SSBP2: variants seen among roughly 807,000 people sequenced by gnomAD.
The protein encoded by SSBP2 is single stranded DNA binding protein 2, also known as single-stranded DNA-binding protein 2.
A neutral mutation model predicts 61.8 loss-of-function variants in SSBP2; 17 were observed. That is an observed-to-expected ratio of 0.28 (90% CI 0.19 to 0.41). The LOEUF (loss-of-function observed/expected upper bound fraction) is 0.41. Ranked by LOEUF, SSBP2 falls within the 10% of genes least tolerant of loss-of-function variation. The pLI is 1.00. For missense variants in SSBP2, 310 were observed against 458.7 expected, an observed-to-expected ratio of 0.68 and a Z score of 2.96; for synonymous variants, 139 against 141.3, an observed-to-expected ratio of 0.98 and a Z score of 0.12.
intron 15 of SSBP2, among the ~76,000 whole-genome samples, chr5:81,433,142 A>G (rs961642715): frequency 6.6e-6 from 1 of 151,986 alleles, no homozygotes; most frequent in African/African-American, 2.4e-5. Flanking sequence ...CCATGATGAC[A>G]ATGGCGGTTT....
chr5:81,436,185 C>CAAAAAA (rs34499225), intron 15 of SSBP2, among the ~76,000 whole-genome samples: 41 of 54,572 alleles, frequency 7.5e-4, no homozygotes, highest in African/African-American at 2.3e-3. Context: ...AAGACTCCAT[C>CAAAAAA]AAAAAAAAAA....
chr5:81,609,753 A>G (rs75751068), intron 4 of SSBP2, among the ~76,000 whole-genome samples: 446 of 152,230 alleles, frequency 2.9e-3, no homozygotes, highest in Non-Finnish European at 4.5e-3. Context: ...GCATTCAACT[A>G]TTTTACATAC....
At chr5:81,581,409 T>C (rs1255706916) in intron 4 of SSBP2, among the ~76,000 whole-genome samples, 2 of 152,204 alleles carry the variant, frequency 1.3e-5, no homozygotes, top group Admixed American at 6.5e-5. Context: ...ACTTTATACC[T>C]TACAATTTTG....
At chr5:81,642,870 A>T (rs75875182) in intron 2 of SSBP2, among the ~76,000 whole-genome samples, 11,999 of 152,312 alleles carry the variant, frequency 0.079, 527 homozygotes, top group Middle Eastern at 0.12. Flanking sequence ...CAAAAAAGAA[A>T]AAATGATATA....
At chr5:81,708,359 A>G (rs1581392942) in intron 1 of SSBP2, among the ~76,000 whole-genome samples, 1 of 152,188 alleles carries the variant, frequency 6.6e-6, no homozygotes, top group African/African-American at 2.4e-5. Flanking sequence ...TTAAATCCTG[A>G]TATGTATTTG....
chr5:81,553,474 G>C (rs958831268), intron 4 of SSBP2, among the ~76,000 whole-genome samples: 8 of 152,030 alleles, frequency 5.3e-5, no homozygotes, highest in Non-Finnish European at 1.2e-4. Context: ...TTAACTCATA[G>C]CATCAGAAAA....
At chr5:81,490,406 C>A (rs1012869267) in intron 5 of SSBP2, among the ~76,000 whole-genome samples, 1 of 151,846 alleles carries the variant, frequency 6.6e-6, no homozygotes. Flanking sequence ...AATTACATCT[C>A]AACATATAAT....
intron 1 of SSBP2, among the ~76,000 whole-genome samples, chr5:81,686,295 T>C (rs1409986748): frequency 1.3e-5 from 2 of 152,238 alleles, no homozygotes; most frequent in Non-Finnish European, 2.9e-5. Context: ...TGGATATTTT[T>C]AATGTAAATC....
intron 4 of SSBP2, among the ~76,000 whole-genome samples, chr5:81,585,639 T>G (rs1775004199): frequency 6.6e-6 from 1 of 152,116 alleles, no homozygotes; most frequent in African/African-American, 2.4e-5. Context: ...AACATATCTA[T>G]TTCCTCACAT....
At chr5:81,432,840 G>A (rs1425137394) in intron 15 of SSBP2, among the ~76,000 whole-genome samples, 2 of 145,922 alleles carry the variant, frequency 1.4e-5, no homozygotes, top group Non-Finnish European at 3.0e-5. Flanking sequence ...CAGCCGCCCC[G>A]TCCGGGAGGT....
intron 1 of SSBP2, among the ~76,000 whole-genome samples, chr5:81,688,941 T>C (rs1439755890): frequency 6.6e-6 from 1 of 152,042 alleles, no homozygotes; most frequent in Admixed American, 6.5e-5. Flanking sequence ...GAATTTAAAA[T>C]AGCTGTTTTT....
At chr5:81,595,898 C>G (rs1743690546) in intron 4 of SSBP2, among the ~76,000 whole-genome samples, 1 of 152,168 alleles carries the variant, frequency 6.6e-6, no homozygotes, top group South Asian at 2.1e-4. Context: ...AAAACCCTAT[C>G]ATACTGAATA....
At chr5:81,586,910 C>T (rs1775099339) in intron 4 of SSBP2, among the ~76,000 whole-genome samples, 1 of 151,930 alleles carries the variant, frequency 6.6e-6, no homozygotes. Flanking sequence ...CTTGGGCGCT[C>T]AGTCTCTAGG....
At chr5:81,659,648 GA>G (rs915373945) in intron 1 of SSBP2, among the ~76,000 whole-genome samples, 16 of 151,806 alleles carry the variant, frequency 1.1e-4, no homozygotes, top group African/African-American at 3.6e-4. Flanking sequence ...TTTCTTCACA[GA>G]ACTAAAAAAA....
chr5:81,559,246 G>A (rs1366612318), intron 4 of SSBP2, among the ~76,000 whole-genome samples: 2 of 152,086 alleles, frequency 1.3e-5, no homozygotes, highest in Non-Finnish European at 2.9e-5. Flanking sequence ...AATCAGCCGG[G>A]CGTGGTGGGC....
chr5:81,739,298 C>G (rs1239339264), intron 1 of SSBP2, among the ~76,000 whole-genome samples: 4 of 151,532 alleles, frequency 2.6e-5, no homozygotes, highest in Non-Finnish European at 5.9e-5. Context: ...AGTTCACCAA[C>G]TATATCATAC....
chr5:81,458,035 T>G (rs13189488), intron 10 of SSBP2, among the ~76,000 whole-genome samples: 1,730 of 152,242 alleles, frequency 0.011, 18 homozygotes, highest in Non-Finnish European at 0.02. Context: ...AGGAAATAGA[T>G]AAAACCAAAT....
intron 4 of SSBP2, among the ~76,000 whole-genome samples, chr5:81,600,276 A>G (rs1276092706): frequency 6.6e-6 from 1 of 152,122 alleles, no homozygotes; most frequent in Non-Finnish European, 1.5e-5. Context: ...TTAGTCAGAA[A>G]ATAAGGCCGG....
chr5:81,750,943 T>A (rs1757727741), intron 1 of SSBP2, 38 bp downstream of exon 1: 1 of 1,557,414 alleles, frequency 6.4e-7, no homozygotes, highest in Non-Finnish European at 8.7e-7. Flanking sequence ...TGTGCGCGCG[T>A]GTGAAGGCGG....
Sources: gnomAD v4.1 joint callset for allele counts (sites outside exome capture counted in the v4.1 genomes callset) on GRCh38, gnomAD v4.1.1 for gene constraint, MANE v1.5 for transcripts, NCBI Gene and HGNC (gene_info 2026-07-23, HGNC 2026-07-21) for gene names.